The following STX8 variants were observed in gnomAD, a reference collection of about 807,000 sequenced individuals.
The protein encoded by STX8 is syntaxin 8.
STX8 carries 23 observed loss-of-function variants against 37.5 expected under a neutral mutation model. The observed-to-expected ratio is 0.61, with a 90% CI of 0.44 to 0.87. STX8 has a LOEUF of 0.87. Ranked by LOEUF, STX8 falls within the 40% of genes least tolerant of loss-of-function variation. The pLI is 0.00. For missense variants in STX8, 313 were observed against 284.7 expected (o/e 1.10, Z -0.71); for synonymous variants, 115 against 99.1 (o/e 1.16, Z -0.95).
intron 6 of STX8, among the ~76,000 whole-genome samples, chr17:9,463,363 G>T (rs1051548474): frequency 6.6e-6 from 1 of 152,150 alleles, no homozygotes; most frequent in African/African-American, 2.4e-5. Context: ...TGTTTGTTTC[G>T]CTATCACAGA....
chr17:9,526,951 G>A (rs142949387), intron 4 of STX8, among the ~76,000 whole-genome samples: 3,099 of 151,446 alleles, frequency 0.02, 47 homozygotes, highest in South Asian at 0.051. Flanking sequence ...AGGCCGAGGC[G>A]GGTGGATCAT....
At chr17:9,336,398 CCCT>C (rs1910140612) in intron 7 of STX8, among the ~76,000 whole-genome samples, 1 of 151,562 alleles carries the variant, frequency 6.6e-6, no homozygotes, top group Admixed American at 6.6e-5. Context: ...TCTCCCCTTC[CCCT>C]TCCTCCCTTC....
intron 4 of STX8, among the ~76,000 whole-genome samples, chr17:9,543,262 C>T (rs528145585): frequency 1.3e-5 from 2 of 151,566 alleles, no homozygotes; most frequent in East Asian, 3.9e-4. Context: ...AAAGACTCTG[C>T]CTTCAGTGTA....
intron 6 of STX8, among the ~76,000 whole-genome samples, chr17:9,472,006 A>G (rs985068869): frequency 1.3e-5 from 2 of 151,882 alleles, no homozygotes; most frequent in African/African-American, 4.8e-5. Context: ...ATGTACCTCT[A>G]TCTGTACATA....
chr17:9,416,288 G>A (rs1288580272), intron 6 of STX8, among the ~76,000 whole-genome samples: 1 of 147,502 alleles, frequency 6.8e-6, no homozygotes, highest in East Asian at 2.0e-4. Flanking sequence ...ACTCCATCCT[G>A]CTTCTAGCCT....
chr17:9,274,203 C>G (rs1907572862), intron 7 of STX8, among the ~76,000 whole-genome samples: 1 of 152,114 alleles, frequency 6.6e-6, no homozygotes, highest in African/African-American at 2.4e-5. Flanking sequence ...ACAGATAATG[C>G]CTTCCTGCCC....
Position 9,354,715 on chromosome 17 carries a change from G to A in STX8, c.643+23837C>T, listed in dbSNP as rs73270072. ...AATTGCCTCTCTTTTTCAATTGCTT[G>A]AAATCCCTCCTACTAAATCTCATAA... On this transcript the variant is annotated intron_variant, in intron 7 of 7. Coordinates refer to ENST00000306357, the MANE Select transcript of STX8 (RefSeq NM_004853.3). 7.7e-3 allele frequency among the ~76,000 whole-genome samples: 1,168 copies of A among 152,164 alleles called. 13 individuals carry two copies. Among genetic ancestry groups the A allele is most frequent in the African/African-American group, 0.027 (1,121 of 41,512 alleles).
At chr17:9,274,631 G>A (rs1213207002) in intron 7 of STX8, among the ~76,000 whole-genome samples, 2 of 146,420 alleles carry the variant, frequency 1.4e-5, no homozygotes, top group Non-Finnish European at 1.5e-5. Flanking sequence ...AGCCGAGATT[G>A]CACCACTGCA....
intron 6 of STX8, among the ~76,000 whole-genome samples, chr17:9,419,978 T>C (rs1025295132): frequency 6.6e-6 from 1 of 152,234 alleles, no homozygotes; most frequent in African/African-American, 2.4e-5. Context: ...TGTGGTTTAT[T>C]GTGCAGTGGC....
Position 9,419,696 on chromosome 17 carries a change from A to G in STX8, c.542-41043T>C, listed in dbSNP as rs530452740. Among the ~76,000 whole-genome samples the G allele has an allele frequency of 3.3e-5, 5 of 152,318 alleles. No homozygotes were observed. The South Asian group carries it at 1.0e-3, about 32-fold the overall frequency. ...GGTCACGGCCTCAGGATGAGGCCCC[A>G]AACTTAACCTCCACTGAGAAGACTG... On this transcript the variant is annotated intron_variant, in intron 6 of 7. Coordinates refer to ENST00000306357, the MANE Select transcript of STX8 (RefSeq NM_004853.3).
intron 2 of STX8, among the ~76,000 whole-genome samples, chr17:9,562,003 A>C (rs8073622): frequency 0.76 from 115,442 of 151,850 alleles, 44,951 homozygotes; most frequent in East Asian, 0.98. Context: ...CATATATTTA[A>C]TAGAAGAAAG....
intron 7 of STX8, among the ~76,000 whole-genome samples, chr17:9,288,170 C>A (rs1597585259): frequency 1.9e-5 from 2 of 105,490 alleles, no homozygotes; most frequent in Non-Finnish European, 3.9e-5. Context: ...AACAAAAAAC[C>A]AACCTTCCCC....
chr17:9,566,324 A>G (rs12453562), intron 2 of STX8, among the ~76,000 whole-genome samples: 102,287 of 152,212 alleles, frequency 0.67, 37,526 homozygotes, highest in East Asian at 0.98. Flanking sequence ...GGGAGGTTGC[A>G]GAGCAAAAGG....
chr17:9,459,674 T>C (rs1905293909), intron 6 of STX8, among the ~76,000 whole-genome samples: 1 of 151,984 alleles, frequency 6.6e-6, no homozygotes, highest in South Asian at 2.1e-4. Flanking sequence ...CACCACGACG[T>C]CCAGCTAATT....
At chr17:9,438,413 C>T (rs1013107107) in intron 6 of STX8, among the ~76,000 whole-genome samples, 1 of 151,710 alleles carries the variant, frequency 6.6e-6, no homozygotes, top group African/African-American at 2.4e-5. Flanking sequence ...TGCTGACTCT[C>T]AGGTCCCACC....
intron 7 of STX8, among the ~76,000 whole-genome samples, chr17:9,284,054 C>T (rs1907988424): frequency 6.6e-6 from 1 of 152,172 alleles, no homozygotes. Flanking sequence ...TCTGAGGTTT[C>T]ATGTCATGAT....
chr17:9,495,021 T>C (rs1904334106), intron 5 of STX8, among the ~76,000 whole-genome samples: 1 of 152,136 alleles, frequency 6.6e-6, no homozygotes, highest in South Asian at 2.1e-4. Context: ...AAAGCAAAAA[T>C]CACAAAGGTC....
At chr17:9,559,760 A>ATATATATATATATTTTT in intron 2 of STX8, among the ~76,000 whole-genome samples, 13 of 24,486 alleles carry the variant, frequency 5.3e-4, no homozygotes, top group East Asian at 2.7e-3. Flanking sequence ...ATATATATAT[A>ATATATATATATATTTTT]TTTTTTTTTT....
chr17:9,376,371 A>C (rs962414091), intron 7 of STX8, among the ~76,000 whole-genome samples: 1 of 152,094 alleles, frequency 6.6e-6, no homozygotes, highest in African/African-American at 2.4e-5. Flanking sequence ...CTCTGTGTCT[A>C]GCTTAAGGTT....
Sources: gnomAD v4.1 joint callset for allele counts (sites outside exome capture counted in the v4.1 genomes callset) on GRCh38, gnomAD v4.1.1 for gene constraint, MANE v1.5 for transcripts, NCBI Gene and HGNC (gene_info 2026-07-23, HGNC 2026-07-21) for gene names.